The following GPR45 variants were observed in gnomAD, a reference collection of about 807,000 sequenced individuals.
GPR45 encodes probable G protein-coupled receptor 45.
In GPR45, 7 loss-of-function variants were observed where a neutral mutation model predicts 5.9. That is an observed-to-expected ratio of 1.19 (90% CI 0.68 to 2.23). The LOEUF (loss-of-function observed/expected upper bound fraction) is 2.23, where lower values mean the gene tolerates loss of function less well. GPR45 is among the 30% of genes most tolerant of loss of function. The probability of loss-of-function intolerance (pLI) is 0.00; values close to 1 mark genes in which losing one functional copy is unlikely to be tolerated. For synonymous variants in GPR45, 220 were observed against 226.3 expected (o/e 0.97, Z 0.25); for missense variants, 440 against 496.9 (o/e 0.89, Z 1.09).
At position 105,242,752 on chromosome 2, in the gene GPR45, C is replaced by T. The variant is rs375629461; in HGVS notation, c.894C>T (p.Cys298=). Residue 298 remains cysteine, a synonymous_variant, in exon 1 of 1, where the codon TGC becomes TGT. Transcript: ENST00000258456. The surrounding 1 kb of genome is among the most constrained non-coding windows in gnomAD (Gnocchi z 4.8). ...CTGTGTTTAGCCAGCGCTTTTACTG[C>T]GGTTCCTCCTTCTACGCCACCAGCA... The part of the protein sequence containing the change: ...LLSVFSQRFY[C]GSSFYATSTC... 37 of 1,613,944 alleles carry T rather than the reference C, an allele frequency of 2.3e-5. No homozygotes were observed. Among genetic ancestry groups the T allele is most frequent in the Admixed American group, 1.2e-4 (7 of 60,006 alleles).
In GPR45 at chr2:105,243,222, TC is replaced by T. The variant is rs1378330751; in HGVS notation, c.*246del. Among the ~76,000 whole-genome samples the T allele has an allele frequency of 1.3e-5, 2 of 150,598 alleles. No individual in the cohort carries two copies. Among genetic ancestry groups the T allele is most frequent in the African/African-American group, 5.0e-5 (2 of 40,002 alleles). Reference sequence around the variant, plus strand: ...TGATGGGAACTGCAACGTCATTAAGTCAAAAATGGAGTGGGCTGGGGAGTGC... The same window carrying T: ...TGATGGGAACTGCAACGTCATTAAGTAAAAATGGAGTGGGCTGGGGAGTGC... On this transcript the variant is annotated 3_prime_UTR_variant, in exon 1 of 1. Transcript: ENST00000258456.
chr2:105,241,834 T>C lies in GPR45; in HGVS notation c.-25T>C. 1 of 1,529,946 alleles carries C rather than the reference T, an allele frequency of 6.5e-7. No individual in the cohort carries two copies. The highest frequency in any genetic ancestry group is 8.8e-7 in the Non-Finnish European group (1 of 1,136,500). The allele number at this position is 1,529,946 out of a possible 1,614,324, so 94.8% of individuals were successfully genotyped here. A position where few individuals can be genotyped will look rare whatever the true frequency, so the allele number is the denominator to read the frequency against. On this transcript the variant is annotated 5_prime_UTR_variant, in exon 1 of 1. Transcript: ENST00000258456. ...AGGGGAGCCCTCCCGGCCATTTCTGTCCCAGCTCCAAGGGTCTCTCCACGA... is the reference window on the plus strand; with the variant it reads ...AGGGGAGCCCTCCCGGCCATTTCTGCCCCAGCTCCAAGGGTCTCTCCACGA...
In GPR45 at chr2:105,241,775, C is replaced by T. The variant is rs995820435; in HGVS notation, c.-84C>T. ...CCACAGACATCCAGGAAGATGCAGCCAGCAGACAAAGAATGGCAGCCACCC... is the reference window on the plus strand; with the variant it reads ...CCACAGACATCCAGGAAGATGCAGCTAGCAGACAAAGAATGGCAGCCACCC... On this transcript the variant is annotated 5_prime_UTR_variant, in exon 1 of 1. Coordinates refer to ENST00000258456, the MANE Select transcript of GPR45 (RefSeq NM_007227.3). 2 of 1,440,874 alleles carry T rather than the reference C, an allele frequency of 1.4e-6. No individual in the cohort carries two copies. Among genetic ancestry groups the T allele is most frequent in the African/African-American group, 2.9e-5 (2 of 70,134 alleles). 89.3% of individuals were successfully genotyped at this position (1,440,874 alleles called of 1,614,324 possible).
chr2:105,242,572 G>T lies in GPR45; in HGVS notation c.714G>T (p.Leu238=). The T allele has an allele frequency of 1.9e-6, 3 of 1,610,656 alleles. No homozygotes were observed. Among genetic ancestry groups the T allele is most frequent in the Non-Finnish European group, 2.5e-6 (3 of 1,179,706 alleles). ...ACAACCAGTCGGACAGCCTGGACCT[G>T]CGGCAGCTCACCAGGGCGGGCCTGC... ...RVHNQSDSLD[L]RQLTRAGLRR... is the part of the protein sequence containing the mutation. The change falls in exon 1 of 1, where the codon CTG becomes CTT. Residue 238 remains leucine (L), a synonymous_variant. Transcript: ENST00000258456. This position sits in a 1 kb window ranked among gnomAD's most constrained non-coding sequence, Gnocchi z 4.8.
In GPR45 at chr2:105,241,850, C is replaced by T. The variant is rs1320275097; in HGVS notation, c.-9C>T. 6.5e-7 allele frequency: 1 copy of T among 1,542,776 alleles called. No homozygotes were observed. Among genetic ancestry groups the T allele is most frequent in the South Asian group, 1.2e-5 (1 of 80,194 alleles). On this transcript the variant is annotated 5_prime_UTR_variant, in exon 1 of 1. Transcript: ENST00000258456. The stretch of plus-strand genomic sequence containing the variant: ...CCATTTCTGTCCCAGCTCCAAGGGT[C>T]TCTCCACGATGGCCTGCAACAGCAC...
Position 105,242,835 on chromosome 2 carries a change from G to A in GPR45, c.977G>A (p.Trp326Ter). The A allele has an allele frequency of 2.5e-6, 4 of 1,614,194 alleles. No individual in the cohort carries two copies. The highest frequency in any genetic ancestry group is 2.2e-5 in the South Asian group (2 of 91,090). Residue 326 changes from tryptophan to a stop codon, truncating the protein, a stop_gained, in exon 1 of 1, where the codon TGG (tryptophan) becomes TAG (stop). Transcript: ENST00000258456. LOFTEE classifies it high-confidence loss of function. This position sits in a 1 kb window ranked among gnomAD's most constrained non-coding sequence, Gnocchi z 4.8. ...KSVFNPIVYC[W>*]RIKKFREACI... Reference sequence around the variant, plus strand: ...GTCTTCAACCCCATCGTCTACTGCTGGAGAATCAAAAAATTCCGCGAGGCC... The same window carrying A: ...GTCTTCAACCCCATCGTCTACTGCTAGAGAATCAAAAAATTCCGCGAGGCC...
Position 105,243,057 on chromosome 2 carries a change from T to G in GPR45, c.*80T>G, listed in dbSNP as rs1260459449. 6.6e-7 allele frequency: 1 copy of G among 1,514,492 alleles called. No individual in the cohort carries two copies. The highest frequency in any genetic ancestry group is 8.9e-7 in the Non-Finnish European group (1 of 1,123,748). 93.8% of individuals were successfully genotyped at this position (1,514,492 alleles called of 1,614,324 possible). A position where few individuals can be genotyped will look rare whatever the true frequency, so the allele number is the denominator to read the frequency against. ...TGTCCTGCTCTGTTCCCTGGCATGTTGGTCATAGTCTGCACTTTGTGGTGG... is the reference window on the plus strand; with the variant it reads ...TGTCCTGCTCTGTTCCCTGGCATGTGGGTCATAGTCTGCACTTTGTGGTGG... On this transcript the variant is annotated 3_prime_UTR_variant, in exon 1 of 1. Coordinates refer to ENST00000258456, the MANE Select transcript of GPR45 (RefSeq NM_007227.3).
rs1207497487 is a variant in GPR45, at chr2:105,241,870, C to T, written c.12C>T (p.Asn4=). MAC[N]STSLEAYTYL... is the part of the protein sequence containing the mutation. Reference sequence around the variant, plus strand: ...AGGGTCTCTCCACGATGGCCTGCAACAGCACGTCCCTTGAGGCTTACACAT... The same window carrying T: ...AGGGTCTCTCCACGATGGCCTGCAATAGCACGTCCCTTGAGGCTTACACAT... Residue 4 remains asparagine (N), a synonymous_variant, in exon 1 of 1, where the codon AAC becomes AAT. Coordinates refer to ENST00000258456, the MANE Select transcript of GPR45 (RefSeq NM_007227.3). The T allele has an allele frequency of 5.8e-6, 9 of 1,561,578 alleles. No homozygotes were observed. Among genetic ancestry groups the T allele is most frequent in the Non-Finnish European group, 7.0e-6 (8 of 1,149,000 alleles).
chr2:105,243,274 A>G lies in GPR45; in HGVS notation c.*297A>G, dbSNP rs1191232757. 6.6e-6 allele frequency among the ~76,000 whole-genome samples: 1 copy of G among 152,020 alleles called. No homozygotes were observed. Among genetic ancestry groups the G allele is most frequent in the African/African-American group, 2.4e-5 (1 of 41,394 alleles). ...AGAAGTTGGGCAGAAAGGGAGGAGG[A>G]GGGCAACAGGGAATGAAGCTGGTTG... On this transcript the variant is annotated 3_prime_UTR_variant, in exon 1 of 1. Coordinates refer to ENST00000258456, the MANE Select transcript of GPR45 (RefSeq NM_007227.3).
At position 105,242,444 on chromosome 2, in the gene GPR45, G is replaced by T. The variant is rs749892636; in HGVS notation, c.586G>T (p.Val196Leu). The change falls in exon 1 of 1, where the codon GTG (valine) becomes TTG (leucine). Residue 196 changes from valine to leucine, a missense_variant. Val to Leu is a conservative substitution (Grantham distance 32, BLOSUM62 1). Coordinates refer to ENST00000258456, the MANE Select transcript of GPR45 (RefSeq NM_007227.3). This position sits in a 1 kb window ranked among gnomAD's most constrained non-coding sequence, Gnocchi z 4.8. ...GGAGCTCCCCGCTGACCGCGCCTAC[G>T]TGGTCACCTTGGTGGTGGCCGTGTT... ...YTELPADRAY[V>L]VTLVVAVFFA... 3 of 1,608,798 alleles carry T rather than the reference G, an allele frequency of 1.9e-6. No homozygotes were observed. The highest frequency in any genetic ancestry group is 8.5e-7 in the Non-Finnish European group (1 of 1,179,810).
At position 105,242,847 on chromosome 2, in the gene GPR45, A is replaced by C; in HGVS notation, c.989A>C (p.Lys330Thr). Reference protein sequence around the residue: ...NPIVYCWRIKKFREACIELLP... With the variant: ...NPIVYCWRIKTFREACIELLP... Reference sequence around the variant, plus strand: ...ATCGTCTACTGCTGGAGAATCAAAAAATTCCGCGAGGCCTGCATAGAGTTG... The same window carrying C: ...ATCGTCTACTGCTGGAGAATCAAAACATTCCGCGAGGCCTGCATAGAGTTG... The change falls in exon 1 of 1, where the codon AAA becomes ACA. Residue 330 changes from lysine (K) to threonine (T), a missense_variant. By Grantham distance (78) the Lys-to-Thr change is moderately conservative. Coordinates refer to ENST00000258456, the MANE Select transcript of GPR45 (RefSeq NM_007227.3). This position sits in a 1 kb window ranked among gnomAD's most constrained non-coding sequence, Gnocchi z 4.8. The C allele has an allele frequency of 6.2e-7, 1 of 1,614,186 alleles. No homozygotes were observed.
chr2:105,242,010 GCAA>G lies in GPR45; in HGVS notation c.155_157del (p.Asn52del). 6.2e-7 allele frequency: 1 copy of G among 1,613,822 alleles called. No homozygotes were observed. The highest frequency in any genetic ancestry group is 8.5e-7 in the Non-Finnish European group (1 of 1,179,728). ...CTGATGACCGTGGTGGGGTTCCTGG[GCAA>G]CACTGTGGTCTGCATCATCGTGTAC... is the stretch of plus-strand genomic sequence containing the variant. On this transcript the variant is annotated inframe_deletion, in exon 1 of 1. Coordinates refer to ENST00000258456, the MANE Select transcript of GPR45 (RefSeq NM_007227.3). The surrounding 1 kb of genome is among the most constrained non-coding windows in gnomAD (Gnocchi z 4.8).
In GPR45 at chr2:105,242,137, C is replaced by T; in HGVS notation, c.279C>T (p.Val93=). 9 of 1,614,182 alleles carry T rather than the reference C, an allele frequency of 5.6e-6. No homozygotes were observed. The highest frequency in any genetic ancestry group is 1.3e-5 in the African/African-American group (1 of 75,070). ...TCTGCTGCATGCCCTTCACCGCCGT[C>T]ACCCTCATCACCGTGCGCTGGCACT... ...LSLCCMPFTA[V]TLITVRWHFG... Residue 93 remains valine (V), a synonymous_variant, in exon 1 of 1, where the codon GTC becomes GTT. Coordinates refer to ENST00000258456, the MANE Select transcript of GPR45 (RefSeq NM_007227.3). The surrounding 1 kb of genome is among the most constrained non-coding windows in gnomAD (Gnocchi z 4.8).
Position 105,242,824 on chromosome 2 carries a change from C to A in GPR45, c.966C>A (p.Ile322=). The part of the protein sequence containing the change: ...LSYLKSVFNP[I]VYCWRIKKFR... ...ACCTCAAGTCCGTCTTCAACCCCAT[C>A]GTCTACTGCTGGAGAATCAAAAAAT... The change falls in exon 1 of 1, where the codon ATC becomes ATA. Residue 322 remains isoleucine, a synonymous_variant. Transcript: ENST00000258456. This position sits in a 1 kb window ranked among gnomAD's most constrained non-coding sequence, Gnocchi z 4.8. 6.2e-7 allele frequency: 1 copy of A among 1,614,226 alleles called. No homozygotes were observed. Among genetic ancestry groups the A allele is most frequent in the Non-Finnish European group, 8.5e-7 (1 of 1,180,040 alleles).
In GPR45 at chr2:105,242,294, C is replaced by G; in HGVS notation, c.436C>G (p.Arg146Gly). ...IVQRQDKLNPRRAKVIIAVSW... is the reference protein window; with the variant it reads ...IVQRQDKLNPGRAKVIIAVSW... The stretch of plus-strand genomic sequence containing the variant: ...CCAGCGCCAGGACAAGCTGAACCCG[C>G]GCAGGGCCAAGGTGATCATCGCGGT... The change falls in exon 1 of 1, where the codon CGC (arginine) becomes GGC (glycine). Residue 146 changes from arginine (R) to glycine (G), a missense_variant. Arg to Gly is a moderately radical substitution (Grantham distance 125). Coordinates refer to ENST00000258456, the MANE Select transcript of GPR45 (RefSeq NM_007227.3). The surrounding 1 kb of genome is among the most constrained non-coding windows in gnomAD (Gnocchi z 4.8). 6.2e-7 allele frequency: 1 copy of G among 1,614,134 alleles called. No homozygotes were observed.
chr2:105,242,983 C>T lies in GPR45; in HGVS notation c.*6C>T, dbSNP rs1294754212. On this transcript the variant is annotated 3_prime_UTR_variant, in exon 1 of 1. Coordinates refer to ENST00000258456, the MANE Select transcript of GPR45 (RefSeq NM_007227.3). The surrounding 1 kb of genome is among the most constrained non-coding windows in gnomAD (Gnocchi z 4.8). ...AAAACCAGTCTGCGGTTTAGGGGGT[C>T]AGGGGGCCACAGAGAAGGGGCAGCT... is the stretch of plus-strand genomic sequence containing the variant. The T allele has an allele frequency of 1.9e-6, 3 of 1,609,060 alleles. No individual in the cohort carries two copies. The highest frequency in any genetic ancestry group is 2.5e-6 in the Non-Finnish European group (3 of 1,176,642).
rs1411177089 is a variant in GPR45, at chr2:105,242,626, C to T, written c.768C>T (p.Ser256=). 1 of 1,605,078 alleles carries T rather than the reference C, an allele frequency of 6.2e-7. No individual in the cohort carries two copies. The highest frequency in any genetic ancestry group is 1.3e-5 in the African/African-American group (1 of 74,804). The change falls in exon 1 of 1, where the codon AGC becomes AGT. Residue 256 remains serine, a synonymous_variant. Coordinates refer to ENST00000258456, the MANE Select transcript of GPR45 (RefSeq NM_007227.3). The surrounding 1 kb of genome is among the most constrained non-coding windows in gnomAD (Gnocchi z 4.8). ...GCCTGCAGCGGCAGCAACAGGTCAG[C>T]GTGGACTTGAGCTTCAAGACCAAGG... ...LRRLQRQQQV[S]VDLSFKTKAF...
chr2:105,241,768 A>T lies in GPR45; in HGVS notation c.-91A>T. ...CAGAGGTCCACAGACATCCAGGAAG[A>T]TGCAGCCAGCAGACAAAGAATGGCA... On this transcript the variant is annotated 5_prime_UTR_variant, in exon 1 of 1. It removes an upstream start codon present in the reference 5' UTR. Transcript: ENST00000258456. 7.1e-7 allele frequency: 1 copy of T among 1,400,644 alleles called. No homozygotes were observed. Among genetic ancestry groups the T allele is most frequent in the Non-Finnish European group, 9.7e-7 (1 of 1,036,096 alleles). The allele number at this position is 1,400,644 out of a possible 1,614,324, so 86.8% of individuals were successfully genotyped here.
Position 105,242,961 on chromosome 2 carries a change from AC to A in GPR45, c.1105del (p.Gln369SerfsTer34). 6.2e-7 allele frequency: 1 copy of A among 1,613,228 alleles called. No homozygotes were observed. The highest frequency in any genetic ancestry group is 8.5e-7 in the Non-Finnish European group (1 of 1,179,434). ...QPSTVYVCNENQSAV is the reference protein window; with the variant it reads ...QPSTVYVCNEXQSAV The stretch of plus-strand genomic sequence containing the variant: ...AGCACAGTCTACGTGTGCAATGAAA[AC>A]CAGTCTGCGGTTTAGGGGGTCAGGG... On this transcript the variant is annotated frameshift_variant, in exon 1 of 1. Coordinates refer to ENST00000258456, the MANE Select transcript of GPR45 (RefSeq NM_007227.3). LOFTEE classifies it high-confidence loss of function. This position sits in a 1 kb window ranked among gnomAD's most constrained non-coding sequence, Gnocchi z 4.8.
Sources: allele counts gnomAD v4.1 joint callset (sites outside exome capture counted in the v4.1 genomes callset), GRCh38; gene constraint gnomAD v4.1.1; non-coding constraint Gnocchi (gnomAD v3.1); transcripts MANE v1.5; gene names NCBI Gene and HGNC (gene_info 2026-07-23, HGNC 2026-07-21).